The following ATP1A1 variants were observed in gnomAD, a reference collection of about 807,000 sequenced individuals.
ATP1A1 encodes the protein ATPase Na+/K+ transporting subunit alpha 1, also known as sodium/potassium-transporting ATPase subunit alpha-1.
Under a neutral mutation model 114.8 loss-of-function variants are expected in ATP1A1, and 14 were observed. The observed-to-expected ratio is 0.12, with a 90% CI of 0.08 to 0.19. The LOEUF (loss-of-function observed/expected upper bound fraction) is 0.19, where lower values mean the gene tolerates loss of function less well. Ranked by LOEUF, ATP1A1 falls within the 10% of genes least tolerant of loss-of-function variation. The probability of loss-of-function intolerance (pLI) is 1.00; values close to 1 mark genes in which losing one functional copy is unlikely to be tolerated. For missense variants in ATP1A1, 524 were observed against 1,290.7 expected, an observed-to-expected ratio of 0.41 and a Z score of 9.10; for synonymous variants, 471 against 466.3, an observed-to-expected ratio of 1.01 and a Z score of -0.13.
intron 18 of ATP1A1, among the ~76,000 whole-genome samples, chr1:116,400,458 A>G (rs750146097): frequency 6.6e-6 from 1 of 152,206 alleles, no homozygotes; most frequent in African/African-American, 2.4e-5. Context: ...CAGTGGCTAG[A>G]AAAATGGCAG....
At chr1:116,391,570 G>A (rs918692509) in intron 10 of ATP1A1, among the ~76,000 whole-genome samples, 1 of 152,220 alleles carries the variant, frequency 6.6e-6, no homozygotes, top group Non-Finnish European at 1.5e-5. Context: ...CACATTCTCT[G>A]TGAAGCTGCC....
rs142766448 is a variant in ATP1A1, at chr1:116,393,671, C to G, written c.1608C>G (p.Asp536Glu). 5.6e-6 allele frequency: 9 copies of G among 1,613,986 alleles called. No homozygotes were observed. The highest frequency in any genetic ancestry group is 7.6e-6 in the Non-Finnish European group (9 of 1,180,030). ...AGCCCCTGGATGAGGAGCTGAAAGA[C>G]GCCTTTCAGAACGCCTATTTGGAGC... ...KEQPLDEELK[D>E]AFQNAYLELG... Residue 536 changes from aspartate (D) to glutamate (E), a missense_variant, in exon 12 of 23, where the codon GAC (aspartate) becomes GAG (glutamate). Physicochemically the swap from Asp to Glu is conservative, Grantham distance 45 (BLOSUM62 2). Coordinates refer to ENST00000295598, the MANE Select transcript of ATP1A1 (RefSeq NM_000701.8). The surrounding 1 kb of genome is among the most constrained non-coding windows in gnomAD (Gnocchi z 5.0).
In ATP1A1 at chr1:116,389,087, A is replaced by G. The variant is rs1328947073; in HGVS notation, c.754+68A>G. On this transcript the variant is annotated intron_variant, in intron 7 of 22. Transcript: ENST00000295598. The surrounding 1 kb of genome is among the most constrained non-coding windows in gnomAD (Gnocchi z 6.9). Reference sequence around the variant, plus strand: ...CTTGGGCATTAACAAAATCAAAACCATAGGCACAATCTCTTGTTTTATTGG... The same window carrying G: ...CTTGGGCATTAACAAAATCAAAACCGTAGGCACAATCTCTTGTTTTATTGG... The G allele has an allele frequency of 1.5e-6, 2 of 1,359,618 alleles. No homozygotes were observed. The highest frequency in any genetic ancestry group is 1.0e-6 in the Non-Finnish European group (1 of 955,974). 84.2% of individuals were successfully genotyped at this position (1,359,618 alleles called of 1,614,324 possible).
In ATP1A1 at chr1:116,398,685, T is replaced by C; in HGVS notation, c.2189T>C (p.Ile730Thr). The C allele has an allele frequency of 6.2e-7, 1 of 1,614,110 alleles. No individual in the cohort carries two copies. The highest frequency in any genetic ancestry group is 8.5e-7 in the Non-Finnish European group (1 of 1,180,016). ...TCTCCAGCTTTGAAGAAAGCAGACA[T>C]TGGGGTTGCTATGGGGATTGCTGGC... ...NDSPALKKAD[I>T]GVAMGIAGSD... Residue 730 changes from isoleucine to threonine, a missense_variant, in exon 16 of 23, where the codon ATT (isoleucine) becomes ACT (threonine). Ile to Thr is a moderately conservative substitution (Grantham distance 89). This residue lies in a region of ATP1A1 where 36 missense variants were observed against 199.6 expected (regional missense o/e 0.18). Coordinates refer to ENST00000295598, the MANE Select transcript of ATP1A1 (RefSeq NM_000701.8). The surrounding 1 kb of genome is among the most constrained non-coding windows in gnomAD (Gnocchi z 6.1).
chr1:116,381,103 G>A lies in ATP1A1; in HGVS notation c.13-2911G>A, dbSNP rs537072771. 1.3e-5 allele frequency among the ~76,000 whole-genome samples: 2 copies of A among 152,194 alleles called. No individual in the cohort carries two copies. Among genetic ancestry groups the A allele is most frequent in the African/African-American group, 4.8e-5 (2 of 41,430 alleles). Reference sequence around the variant, plus strand: ...TCACTCCCAGTCCTCTGGGAGGGGGGAAGTGACCTGAACTTTCTAATTGAA... The same window carrying A: ...TCACTCCCAGTCCTCTGGGAGGGGGAAAGTGACCTGAACTTTCTAATTGAA... On this transcript the variant is annotated intron_variant, in intron 1 of 22. Coordinates refer to ENST00000295598, the MANE Select transcript of ATP1A1 (RefSeq NM_000701.8). The surrounding 1 kb of genome is among the most constrained non-coding windows in gnomAD (Gnocchi z 5.1).
intron 1 of ATP1A1, among the ~76,000 whole-genome samples, chr1:116,378,503 C>G (rs1243459648): frequency 2.0e-5 from 3 of 152,184 alleles, no homozygotes; most frequent in African/African-American, 7.2e-5. Flanking sequence ...TTTTGTGACT[C>G]AGTGGGCCTT....
At chr1:116,396,276 C>CTTTTTTTTTTTTTTT (rs367825500) in intron 13 of ATP1A1, among the ~76,000 whole-genome samples, 1 of 102,656 alleles carries the variant, frequency 9.7e-6, no homozygotes, top group African/African-American at 4.1e-5. Context: ...GATTTTTATC[C>CTTTTTTTTTTTTTTT]TTTTTTTTTT....
rs1652319648 is a variant in ATP1A1 at position 116,389,767 on chromosome 1, C to G, written c.1023+60C>G. The stretch of plus-strand genomic sequence containing the variant: ...CAGCTTGCACGAATGTTACACTCTT[C>G]CGCTATCCTATTCTAAGGTATTGCC... On this transcript the variant is annotated intron_variant, in intron 8 of 22. Transcript: ENST00000295598. This position sits in a 1 kb window ranked among gnomAD's most constrained non-coding sequence, Gnocchi z 6.9. The G allele has an allele frequency of 6.3e-7, 1 of 1,599,310 alleles. No individual in the cohort carries two copies. Among genetic ancestry groups the G allele is most frequent in the African/African-American group, 1.3e-5 (1 of 74,624 alleles).
chr1:116,373,370 T>TA lies in ATP1A1; in HGVS notation c.-142_-141insA. On this transcript the variant is annotated 5_prime_UTR_variant, in exon 1 of 23. Coordinates refer to ENST00000295598, the MANE Select transcript of ATP1A1 (RefSeq NM_000701.8). The stretch of plus-strand genomic sequence containing the variant: ...CATCGGCCCGAGCCGCCGGCCGCCC[T>TA]CCCACCCTCCCGCCCCGCGGCAGCC... 1.5e-5 allele frequency: 5 copies of TA among 333,832 alleles called. No homozygotes were observed. The highest frequency in any genetic ancestry group is 8.9e-5 in the East Asian group (1 of 11,238). The allele number at this position is 333,832 out of a possible 1,614,324, so 20.7% of individuals were successfully genotyped here. A position where few individuals can be genotyped will look rare whatever the true frequency, so the allele number is the denominator to read the frequency against.
At chr1:116,376,677 T>C (rs1036259395) in intron 1 of ATP1A1, among the ~76,000 whole-genome samples, 3 of 152,152 alleles carry the variant, frequency 2.0e-5, no homozygotes, top group East Asian at 1.9e-4. Context: ...TGTAACACTC[T>C]AGTGACTCAC....
rs1460550080 is a variant in ATP1A1, at chr1:116,389,647, C to T, written c.963C>T (p.Val321=). ...LILEYTWLEA[V]IFLIGIIVAN... is the part of the protein sequence containing the mutation. ...TTGAGTACACCTGGCTTGAGGCTGT[C>T]ATCTTCCTCATCGGTATCATCGTAG... is the stretch of plus-strand genomic sequence containing the variant. Residue 321 remains valine (V), a synonymous_variant, in exon 8 of 23, where the codon GTC becomes GTT. Coordinates refer to ENST00000295598, the MANE Select transcript of ATP1A1 (RefSeq NM_000701.8). This position sits in a 1 kb window ranked among gnomAD's most constrained non-coding sequence, Gnocchi z 6.9. 1 of 1,614,116 alleles carries T rather than the reference C, an allele frequency of 6.2e-7. No individual in the cohort carries two copies. The highest frequency in any genetic ancestry group is 8.5e-7 in the Non-Finnish European group (1 of 1,180,054).
intron 1 of ATP1A1, chr1:116,383,250 T>G (rs1214836826): frequency 4.0e-6 from 2 of 500,644 alleles, no homozygotes; most frequent in Admixed American, 6.3e-5. Context: ...CAGAATGGGC[T>G]GGGCGCTCCC....
At position 116,399,854 on chromosome 1, in the gene ATP1A1, T is replaced by A. The variant is rs1191073606; in HGVS notation, c.2572+311T>A. On this transcript the variant is annotated intron_variant, in intron 18 of 22. Transcript: ENST00000295598. This position sits in a 1 kb window ranked among gnomAD's most constrained non-coding sequence, Gnocchi z 5.0. ...GAGCCTTGCGGAACAGGAGGCATGG[T>A]TCTAAGGAATTGTGTGTACTGACGC... Among the ~76,000 whole-genome samples the A allele has an allele frequency of 6.6e-6, 1 of 152,194 alleles. No individual in the cohort carries two copies. The highest frequency in any genetic ancestry group is 1.9e-4 in the East Asian group (1 of 5,198).
At position 116,392,904 on chromosome 1, in the gene ATP1A1, G is replaced by A; in HGVS notation, c.1383G>A (p.Glu461=). The stretch of plus-strand genomic sequence containing the variant: ...AGTCAGCACTCTTAAAGTGCATAGA[G>A]CTGTGCTGTGGTTCCGTGAAGGAGA... ...ASESALLKCI[E]LCCGSVKEMR... Residue 461 remains glutamate, a synonymous_variant, in exon 11 of 23, where the codon GAG becomes GAA. Transcript: ENST00000295598. 6.2e-7 allele frequency: 1 copy of A among 1,614,164 alleles called. No homozygotes were observed. The highest frequency in any genetic ancestry group is 1.3e-5 in the African/African-American group (1 of 75,028).
intron 13 of ATP1A1, among the ~76,000 whole-genome samples, chr1:116,396,276 CTTTTT>C (rs367825500): frequency 5.2e-4 from 53 of 102,624 alleles, no homozygotes; most frequent in Admixed American, 1.7e-3. Context: ...GATTTTTATC[CTTTTT>C]TTTTTTTTTT....
At position 116,381,992 on chromosome 1, in the gene ATP1A1, T is replaced by C. The variant is rs2101035331; in HGVS notation, c.13-2022T>C. The stretch of plus-strand genomic sequence containing the variant: ...GAGTTCAAGACCAGCCTGGCCAAGA[T>C]GGTGAAACCCCGTCTCTACTAAAAA... On this transcript the variant is annotated intron_variant, in intron 1 of 22. Coordinates refer to ENST00000295598, the MANE Select transcript of ATP1A1 (RefSeq NM_000701.8). The surrounding 1 kb of genome is among the most constrained non-coding windows in gnomAD (Gnocchi z 5.1). Among the ~76,000 whole-genome samples the C allele has an allele frequency of 6.6e-6, 1 of 152,208 alleles. No individual in the cohort carries two copies. Among genetic ancestry groups the C allele is most frequent in the South Asian group, 2.1e-4 (1 of 4,826 alleles).
Position 116,403,913 on chromosome 1 carries a change from A to G in ATP1A1, c.2981A>G (p.Tyr994Cys). 1 of 1,613,888 alleles carries G rather than the reference A, an allele frequency of 6.2e-7. No individual in the cohort carries two copies. The highest frequency in any genetic ancestry group is 8.5e-7 in the Non-Finnish European group (1 of 1,179,958). ...ACCTGGTGGTTCTGTGCCTTCCCCT[A>G]CTCTCTTCTCATCTTCGTATATGAC... The part of the protein sequence containing the change: ...KPTWWFCAFP[Y>C]SLLIFVYDEV... Residue 994 changes from tyrosine (Y) to cysteine (C), a missense_variant, in exon 22 of 23, where the codon TAC becomes TGC. Physicochemically the swap from Tyr to Cys is radical, Grantham distance 194 (BLOSUM62 -2). Around this residue, in one of 8 missense-constraint regions of ATP1A1, gnomAD observed 84 missense variants for 209.3 expected, o/e 0.40. Transcript: ENST00000295598.
rs1226557843 is a variant in ATP1A1, at chr1:116,389,911, A to G, written c.1023+204A>G. 2 of 853,464 alleles carry G rather than the reference A, an allele frequency of 2.3e-6. No individual in the cohort carries two copies. Among genetic ancestry groups the G allele is most frequent in the South Asian group, 1.8e-5 (1 of 54,800 alleles). The allele number at this position is 853,464 out of a possible 1,614,324, so 52.9% of individuals were successfully genotyped here. On this transcript the variant is annotated intron_variant, in intron 8 of 22. Transcript: ENST00000295598. The surrounding 1 kb of genome is among the most constrained non-coding windows in gnomAD (Gnocchi z 6.9). ...TATACGTAAGATAACCCCAAAGCATACATTTTGCTTTTAAATTATCACGTG... is the reference window on the plus strand; with the variant it reads ...TATACGTAAGATAACCCCAAAGCATGCATTTTGCTTTTAAATTATCACGTG...
Position 116,398,492 on chromosome 1 carries a change from G to A in ATP1A1, c.2125-129G>A. On this transcript the variant is annotated intron_variant, in intron 15 of 22. Transcript: ENST00000295598. The surrounding 1 kb of genome is among the most constrained non-coding windows in gnomAD (Gnocchi z 6.1). ...AATACTTGCCTGTGACGGTTCTCAG[G>A]CTTCATAAATAGTCTCAATAGGAAA... The A allele has an allele frequency of 8.2e-7, 1 of 1,217,542 alleles. No individual in the cohort carries two copies. Among genetic ancestry groups the A allele is most frequent in the Non-Finnish European group, 1.1e-6 (1 of 872,172 alleles). The allele number at this position is 1,217,542 out of a possible 1,614,324, so 75.4% of individuals were successfully genotyped here.
Sources: allele counts gnomAD v4.1 joint callset (sites outside exome capture counted in the v4.1 genomes callset), GRCh38; gene constraint gnomAD v4.1.1; regional missense constraint gnomAD v4.1.1; non-coding constraint Gnocchi (gnomAD v3.1); transcripts MANE v1.5; gene names NCBI Gene and HGNC (gene_info 2026-07-23, HGNC 2026-07-21).